Variants in NHEJ1 observed in about 807,000 individuals in gnomAD.
NHEJ1 encodes non-homologous end joining factor 1.
NHEJ1 carries 22 observed loss-of-function variants against 39.4 expected under a neutral mutation model. That is an observed-to-expected ratio of 0.56 (90% CI 0.40 to 0.80). The LOEUF is 0.80. NHEJ1 is among the 30% of genes least tolerant of loss of function. The probability of loss-of-function intolerance (pLI) is 0.00; values close to 1 mark genes in which losing one functional copy is unlikely to be tolerated. For synonymous variants in NHEJ1, 154 were observed against 135.6 expected (o/e 1.14, Z -0.94); for missense variants, 329 against 357.1 (o/e 0.92, Z 0.63).
chr2:219,159,538 C>CATATATATGCATAT lies in NHEJ1; in HGVS notation c.1-1177_1-1176insATATGCATATATAT, dbSNP rs1559206137. 4.0e-4 allele frequency among the ~76,000 whole-genome samples: 20 copies of CATATATATGCATAT among 50,274 alleles called. 2 individuals carry two copies. The highest frequency in any genetic ancestry group is 7.3e-4 in the Admixed American group (3 of 4,108). The allele number at this position is 50,274 out of a possible 152,430, so 33.0% of individuals were successfully genotyped here. On this transcript the variant is annotated intron_variant, in intron 1 of 7. Coordinates refer to ENST00000356853, the MANE Select transcript of NHEJ1 (RefSeq NM_024782.3). ...TTATATATATATGCATATATATATG[C>CATATATATGCATAT]ATATATATATATGCATATATATATG...
Position 219,074,258 on chromosome 2 carries a change from CCT to C in NHEJ1, c.*2121_*2122del. Among the ~76,000 whole-genome samples the C allele has an allele frequency of 6.6e-6, 1 of 152,246 alleles. No homozygotes were observed. Among genetic ancestry groups the C allele is most frequent in the East Asian group, 1.9e-4 (1 of 5,180 alleles). ...ACAAAATTTTGCTCTTAAGATTTTA[CCT>C]ACAATTTTGAGGGATTCACAGGCCT... On this transcript the variant is annotated 3_prime_UTR_variant, in exon 8 of 8. Transcript: ENST00000356853.
chr2:219,139,737 C>T (rs1259277567), intron 5 of NHEJ1, among the ~76,000 whole-genome samples: 3 of 152,112 alleles, frequency 2.0e-5, no homozygotes, highest in Non-Finnish European at 4.4e-5. Context: ...AGTGCAGTGG[C>T]ACGATCTCGG....
rs1357275099 is a variant in NHEJ1, at chr2:219,153,701, G to GT, written c.390+3770_390+3771insA. 6.9e-5 allele frequency among the ~76,000 whole-genome samples: 9 copies of GT among 130,572 alleles called. No homozygotes were observed. The East Asian group carries it at 8.6e-4, about 13-fold the overall frequency. 85.7% of individuals were successfully genotyped at this position (130,572 alleles called of 152,430 possible). ...AAGAAAAAGAAAGAAAAGGGGGGGG[G>GT]GGTGGAGAGAGAGAGAGAGAGCAAG... On this transcript the variant is annotated intron_variant, in intron 3 of 7. Transcript: ENST00000356853.
At chr2:219,137,291 G>A (rs1486569182) in intron 5 of NHEJ1, among the ~76,000 whole-genome samples, 3 of 151,722 alleles carry the variant, frequency 2.0e-5, no homozygotes, top group South Asian at 2.1e-4. Context: ...CGGTTAAACC[G>A]ACCCCACCCA....
chr2:219,149,072 C>CG, intron 3 of NHEJ1, among the ~76,000 whole-genome samples: 1 of 152,034 alleles, frequency 6.6e-6, no homozygotes, highest in Non-Finnish European at 1.5e-5. Flanking sequence ...TTAGTAGAGA[C>CG]GGGGTTTCAC....
Position 219,077,329 on chromosome 2 carries a change from C to T in NHEJ1, c.742G>A (p.Gly248Arg). 1 of 1,614,106 alleles carries T rather than the reference C, an allele frequency of 6.2e-7. No homozygotes were observed. Among genetic ancestry groups the T allele is most frequent in the Non-Finnish European group, 8.5e-7 (1 of 1,180,006 alleles). The change falls in exon 7 of 8, where the codon GGA becomes AGA. Residue 248 changes from glycine to arginine, a missense_variant. Coordinates refer to ENST00000356853, the MANE Select transcript of NHEJ1 (RefSeq NM_024782.3). ...TGGTTTACACATTGGCTATCGATTC[C>T]TTGCAGGGAAGCACTGTTTGAGGTA... is the stretch of plus-strand genomic sequence containing the variant. ...PHTSNSASLQ[G>R]IDSQCVNQPE... is the part of the protein sequence containing the mutation.
rs548252651 is a variant in NHEJ1, at chr2:219,158,509, C to G, written c.1-147G>C. 240 of 763,360 alleles carry G rather than the reference C, an allele frequency of 3.1e-4. No homozygotes were observed. The East Asian group carries it at 6.4e-3, about 20-fold the overall frequency. 47.3% of individuals were successfully genotyped at this position (763,360 alleles called of 1,614,324 possible). ...CATGGATTTACGTTCTCCCAGTATA[C>G]AACCAGCTGAGCACTGACTTTACTA... On this transcript the variant is annotated intron_variant, in intron 1 of 7. Transcript: ENST00000356853.
chr2:219,145,168 T>C (rs572768958), intron 5 of NHEJ1, among the ~76,000 whole-genome samples: 6 of 152,312 alleles, frequency 3.9e-5, no homozygotes, highest in East Asian at 1.9e-4. Context: ...TGAGCCAAGA[T>C]TGTGCCATGG....
rs576655257 is a variant in NHEJ1, at chr2:219,099,559, A to G, written c.589-21353T>C. ...GAATTACTCAGAGTCAGTGCATTTC[A>G]TAACAGTGAAGAGTCCTGGGTGATA... is the stretch of plus-strand genomic sequence containing the variant. On this transcript the variant is annotated intron_variant, in intron 5 of 7. Transcript: ENST00000356853. Among the ~76,000 whole-genome samples the G allele has an allele frequency of 2.7e-4, 41 of 152,320 alleles. 1 individual carries two copies. Among genetic ancestry groups the G allele is most frequent in the African/African-American group, 9.1e-4 (38 of 41,578 alleles).
intron 5 of NHEJ1, among the ~76,000 whole-genome samples, chr2:219,141,522 G>C (rs918146470): frequency 1.3e-5 from 2 of 152,108 alleles, no homozygotes; most frequent in African/African-American, 2.4e-5. Flanking sequence ...AAAGAGGAAA[G>C]TGAGTGACTC....
intron 5 of NHEJ1, among the ~76,000 whole-genome samples, chr2:219,092,744 G>T (rs928881211): frequency 6.6e-6 from 1 of 152,180 alleles, no homozygotes; most frequent in Non-Finnish European, 1.5e-5. Context: ...GAAAGACCAC[G>T]TAGAGCCAGT....
At chr2:219,088,484 C>A (rs555584251) in intron 5 of NHEJ1, among the ~76,000 whole-genome samples, 1 of 151,486 alleles carries the variant, frequency 6.6e-6, no homozygotes, top group Admixed American at 6.6e-5. Context: ...CAGAGTGAGA[C>A]CCTGTCTCAA....
intron 5 of NHEJ1, among the ~76,000 whole-genome samples, chr2:219,090,700 T>G (rs2106327461): frequency 6.6e-6 from 1 of 152,272 alleles, no homozygotes; most frequent in Non-Finnish European, 1.5e-5. Context: ...GGACAGCAGT[T>G]AACAGACTAA....
At chr2:219,158,835 T>C (rs555800321) in intron 1 of NHEJ1, 1 of 184,870 alleles carries the variant, frequency 5.4e-6, no homozygotes, top group Non-Finnish European at 1.2e-5. Context: ...TCGAAGTATT[T>C]GATCATTATC....
At chr2:219,118,611 C>T (rs952831835) in intron 5 of NHEJ1, among the ~76,000 whole-genome samples, 18 of 152,010 alleles carry the variant, frequency 1.2e-4, no homozygotes, top group Non-Finnish European at 4.4e-5. Context: ...GTCTGTAAAG[C>T]GGATGGAAAT....
chr2:219,105,243 G>A (rs1455470886), intron 5 of NHEJ1, among the ~76,000 whole-genome samples: 2 of 152,128 alleles, frequency 1.3e-5, no homozygotes, highest in African/African-American at 4.8e-5. Flanking sequence ...TGTCACTATA[G>A]TCTAAGGTTT....
chr2:219,078,068 G>A lies in NHEJ1; in HGVS notation c.706+21C>T, dbSNP rs762980416. Reference sequence around the variant, plus strand: ...TCCTAATTGTATCCTCACACAGACCGGGTACCTCTGGAGGGCTCACCAGCG... The same window carrying A: ...TCCTAATTGTATCCTCACACAGACCAGGTACCTCTGGAGGGCTCACCAGCG... On this transcript the variant is annotated intron_variant, in intron 6 of 7. Transcript: ENST00000356853. The A allele has an allele frequency of 2.3e-5, 36 of 1,538,648 alleles. No individual in the cohort carries two copies. In the Admixed American group the frequency reaches 3.0e-4, roughly 13 times the overall value.
chr2:219,146,589 G>T, intron 5 of NHEJ1, 91 bp downstream of exon 5: 1 of 985,562 alleles, frequency 1.0e-6, no homozygotes, highest in African/African-American at 1.6e-5. Context: ...AACCACACAA[G>T]CCACCTAACA....
intron 5 of NHEJ1, among the ~76,000 whole-genome samples, chr2:219,105,403 T>C (rs1949304477): frequency 6.6e-6 from 1 of 152,174 alleles, no homozygotes; most frequent in Non-Finnish European, 1.5e-5. Flanking sequence ...ATGTGGTTAA[T>C]TATCACAGCA....
Sources: allele counts gnomAD v4.1 joint callset (sites outside exome capture counted in the v4.1 genomes callset), GRCh38; gene constraint gnomAD v4.1.1; transcripts MANE v1.5; gene names NCBI Gene and HGNC (gene_info 2026-07-23, HGNC 2026-07-21).